LDAH: variants seen among roughly 807,000 people sequenced by gnomAD.
LDAH encodes the protein lipid droplet associated hydrolase, also known as lipid droplet-associated hydrolase.
LDAH carries 26 observed loss-of-function variants against 29.6 expected under a neutral mutation model. That is an observed-to-expected ratio of 0.88 (90% CI 0.64 to 1.22). The LOEUF is 1.22. Ranked by LOEUF, LDAH falls within the 50% of genes most tolerant of loss-of-function variation. The pLI is 0.00. For synonymous variants in LDAH, 117 were observed against 133.0 expected, an observed-to-expected ratio of 0.88 and a Z score of 0.83; for missense variants, 344 against 387.3, an observed-to-expected ratio of 0.89 and a Z score of 0.94.
At chr2:20,734,786 G>C (rs1420154201) in intron 5 of LDAH, among the ~76,000 whole-genome samples, 3 of 152,164 alleles carry the variant, frequency 2.0e-5, no homozygotes, top group African/African-American at 7.2e-5. Context: ...TCTCTGTTGA[G>C]AGAACTTCCT....
chr2:20,683,544 C>T (rs770966830), downstream of LDAH, among the ~76,000 whole-genome samples: 13 of 152,194 alleles, frequency 8.5e-5, no homozygotes, highest in East Asian at 1.9e-4. Flanking sequence ...TTTTCTAAAT[C>T]GACTGTTAGA....
At chr2:20,744,745 T>C (rs1667451879) in intron 4 of LDAH, among the ~76,000 whole-genome samples, 1 of 152,202 alleles carries the variant, frequency 6.6e-6, no homozygotes, top group African/African-American at 2.4e-5. Flanking sequence ...ATTGAGCTCA[T>C]GTAGGTAAGT....
intron 6 of LDAH, among the ~76,000 whole-genome samples, chr2:20,695,144 TA>T (rs1663343104): frequency 6.6e-6 from 1 of 152,246 alleles, no homozygotes; most frequent in Non-Finnish European, 1.5e-5. Context: ...CAAGCCTTGG[TA>T]AAAATCAAGT....
rs150026682 is a variant in LDAH at position 20,780,971 on chromosome 2, T to C, written c.299-5992A>G. Among the ~76,000 whole-genome samples, 7 of 152,236 alleles carry C rather than the reference T, an allele frequency of 4.6e-5. No homozygotes were observed. In the East Asian group the frequency reaches 1.4e-3, roughly 29 times the overall value. On this transcript the variant is annotated intron_variant, in intron 3 of 6. Coordinates refer to ENST00000237822, the MANE Select transcript of LDAH (RefSeq NM_021925.4). Reference sequence around the variant, plus strand: ...CTGGGTTTTCTCTCTTTCTTCCTATTTGGGGGACTGCAGTGAGAGTAGTTT... The same window carrying C: ...CTGGGTTTTCTCTCTTTCTTCCTATCTGGGGGACTGCAGTGAGAGTAGTTT...
At chr2:20,703,695 C>T (rs1664118107) in intron 5 of LDAH, among the ~76,000 whole-genome samples, 1 of 152,146 alleles carries the variant, frequency 6.6e-6, no homozygotes, top group Non-Finnish European at 1.5e-5. Context: ...TCCTGGAGAC[C>T]TCCTTTCCAG....
At chr2:20,817,980 G>C (rs1470239387) in intron 1 of LDAH, among the ~76,000 whole-genome samples, 1 of 152,136 alleles carries the variant, frequency 6.6e-6, no homozygotes, top group South Asian at 2.1e-4. Context: ...AAGATAGACT[G>C]ACTATAAGGA....
intron 3 of LDAH, 104 bp from the exon 4 acceptor site, chr2:20,775,083 G>T (rs977824669): frequency 9.9e-7 from 1 of 1,005,550 alleles, no homozygotes; most frequent in African/African-American, 1.6e-5. Context: ...ACCATTTATC[G>T]AAAGCCTACA....
chr2:20,789,064 C>A, intron 3 of LDAH: 1 of 1,476,062 alleles, frequency 6.8e-7, no homozygotes, highest in Non-Finnish European at 9.2e-7. Flanking sequence ...AATCTTGCTC[C>A]CTTCTGTGCT....
At chr2:20,782,367 A>G (rs992428732) in intron 3 of LDAH, among the ~76,000 whole-genome samples, 9 of 152,208 alleles carry the variant, frequency 5.9e-5, no homozygotes, top group African/African-American at 2.2e-4. Context: ...TGTCTATAGT[A>G]TGACTTAAGA....
chr2:20,747,195 T>C (rs1049374913), intron 4 of LDAH, among the ~76,000 whole-genome samples: 4 of 152,222 alleles, frequency 2.6e-5, no homozygotes, highest in East Asian at 1.9e-4. Context: ...CCTGTTTATA[T>C]AGCTTATTAC....
At chr2:20,723,110 C>T (rs989800798) in intron 5 of LDAH, among the ~76,000 whole-genome samples, 7 of 152,144 alleles carry the variant, frequency 4.6e-5, no homozygotes, top group African/African-American at 7.2e-5. Flanking sequence ...ATTCATCAAT[C>T]ATAGAATAAA....
At chr2:20,724,542 G>A (rs1665882879) in intron 5 of LDAH, among the ~76,000 whole-genome samples, 1 of 152,184 alleles carries the variant, frequency 6.6e-6, no homozygotes, top group African/African-American at 2.4e-5. Flanking sequence ...TGGTCCAAGA[G>A]CTGACATCAT....
chr2:20,711,127 G>A (rs913438374), intron 5 of LDAH, among the ~76,000 whole-genome samples: 5 of 152,072 alleles, frequency 3.3e-5, no homozygotes, highest in Non-Finnish European at 4.4e-5. Context: ...GAAGTGTCAC[G>A]CCTGTAATCC....
rs371791350 is a variant in LDAH at position 20,709,230 on chromosome 2, G to A, written c.704-7578C>T. Among the ~76,000 whole-genome samples, 228 of 152,248 alleles carry A rather than the reference G, an allele frequency of 1.5e-3. 4 individuals are homozygous for A. In the South Asian group the frequency reaches 0.044, roughly 29 times the overall value. ...TACCTTCAGGCTATGTGTATGAGGTGTATATAAAATATAAGTAAATTTTGT... is the reference window on the plus strand; with the variant it reads ...TACCTTCAGGCTATGTGTATGAGGTATATATAAAATATAAGTAAATTTTGT... On this transcript the variant is annotated intron_variant, in intron 5 of 6. Coordinates refer to ENST00000237822, the MANE Select transcript of LDAH (RefSeq NM_021925.4).
chr2:20,719,700 G>A (rs1665507553), intron 5 of LDAH, among the ~76,000 whole-genome samples: 1 of 152,002 alleles, frequency 6.6e-6, no homozygotes. Context: ...TATAACTGAT[G>A]AGCATAAATG....
chr2:20,776,795 C>A (rs1336403698), intron 3 of LDAH, among the ~76,000 whole-genome samples: 2 of 152,188 alleles, frequency 1.3e-5, no homozygotes, highest in Non-Finnish European at 2.9e-5. Flanking sequence ...ATATAAAAAA[C>A]CACAATAATG....
chr2:20,728,619 G>C (rs1666183956), intron 5 of LDAH, among the ~76,000 whole-genome samples: 1 of 152,118 alleles, frequency 6.6e-6, no homozygotes, highest in Admixed American at 6.6e-5. Context: ...CTGGGCGAAG[G>C]CAGCTTCTGT....
chr2:20,756,526 T>C (rs1668356721), intron 4 of LDAH, among the ~76,000 whole-genome samples: 1 of 151,674 alleles, frequency 6.6e-6, no homozygotes, highest in Admixed American at 6.6e-5. Flanking sequence ...GAGAGACCCA[T>C]GAAGTAAAAA....
chr2:20,792,307 G>A (rs933699130), intron 2 of LDAH, among the ~76,000 whole-genome samples: 1 of 152,016 alleles, frequency 6.6e-6, no homozygotes, highest in Admixed American at 6.6e-5. Flanking sequence ...TACATGCCAG[G>A]CAGTGTTTAG....
Sources: gnomAD v4.1 joint callset for allele counts (sites outside exome capture counted in the v4.1 genomes callset) on GRCh38, gnomAD v4.1.1 for gene constraint, MANE v1.5 for transcripts, NCBI Gene and HGNC (gene_info 2026-07-23, HGNC 2026-07-21) for gene names.